FAM107B: variants seen among roughly 807,000 people sequenced by gnomAD.
FAM107B encodes protein FAM107B.
FAM107B carries 21 observed loss-of-function variants against 31.5 expected under a neutral mutation model. The observed-to-expected ratio is 0.67, with a 90% CI of 0.47 to 0.96. FAM107B has a LOEUF of 0.96. Ranked by LOEUF, FAM107B falls within the 40% of genes least tolerant of loss-of-function variation. The pLI is 0.00. For synonymous variants in FAM107B, 157 were observed against 141.5 expected (o/e 1.11, Z -0.78); for missense variants, 452 against 377.1 (o/e 1.20, Z -1.64).
chr10:14,522,425 T>TC (rs1175872008), intron 3 of FAM107B, among the ~76,000 whole-genome samples: 29 of 151,464 alleles, frequency 1.9e-4, no homozygotes, highest in Non-Finnish European at 2.8e-4. Context: ...TTTTTTTTTT[T>TC]TTTTCTGAGA....
chr10:14,690,421 A>G (rs1855103965), intron 1 of FAM107B, among the ~76,000 whole-genome samples: 1 of 151,876 alleles, frequency 6.6e-6, no homozygotes, highest in Non-Finnish European at 1.5e-5. Flanking sequence ...TCTACATCTC[A>G]CCCATACTTT....
chr10:14,546,780 C>T (rs906779956), intron 2 of FAM107B, among the ~76,000 whole-genome samples: 2 of 152,100 alleles, frequency 1.3e-5, no homozygotes, highest in Admixed American at 6.5e-5. Context: ...TCAACCCTAC[C>T]GACCTTCAAA....
intron 1 of FAM107B, among the ~76,000 whole-genome samples, chr10:14,706,080 G>A (rs545648653): frequency 1.3e-5 from 2 of 152,192 alleles, no homozygotes; most frequent in African/African-American, 4.8e-5. Flanking sequence ...CTGTTGAACA[G>A]AGGATTGGCC....
intron 2 of FAM107B, among the ~76,000 whole-genome samples, chr10:14,646,663 C>A (rs1236177177): frequency 6.6e-6 from 1 of 152,000 alleles, no homozygotes; most frequent in Admixed American, 6.6e-5. Context: ...ATAATGACTT[C>A]TTTTCCTTTG....
At chr10:14,756,673 A>G (rs201991108) in intron 1 of FAM107B, among the ~76,000 whole-genome samples, 1 of 152,260 alleles carries the variant, frequency 6.6e-6, no homozygotes, top group Non-Finnish European at 1.5e-5. Flanking sequence ...GTATACACCC[A>G]AAGGAATACA....
At chr10:14,610,157 C>A (rs1158074516) in intron 2 of FAM107B, among the ~76,000 whole-genome samples, 1 of 152,140 alleles carries the variant, frequency 6.6e-6, no homozygotes, top group Middle Eastern at 3.2e-3. Context: ...TCCTGGCTAA[C>A]ACGGTGAAAC....
At chr10:14,563,170 G>C (rs944486205) in intron 2 of FAM107B, among the ~76,000 whole-genome samples, 1 of 152,142 alleles carries the variant, frequency 6.6e-6, no homozygotes, top group Non-Finnish European at 1.5e-5. Context: ...GGAAATACTG[G>C]GGTTTTACAC....
intron 2 of FAM107B, among the ~76,000 whole-genome samples, chr10:14,609,845 G>A (rs1354669553): frequency 6.6e-6 from 1 of 152,168 alleles, no homozygotes; most frequent in African/African-American, 2.4e-5. Flanking sequence ...TATAAACATA[G>A]AATGTGAGGG....
chr10:14,671,889 AAAAC>A (rs1854562676), intron 1 of FAM107B, among the ~76,000 whole-genome samples: 1 of 148,404 alleles, frequency 6.7e-6, no homozygotes, highest in Non-Finnish European at 1.5e-5. Context: ...AAAAAACAAA[AAAAC>A]AAAAAAAAAA....
chr10:14,604,128 C>T, intron 2 of FAM107B: 2 of 636,710 alleles, frequency 3.1e-6, no homozygotes, highest in Non-Finnish European at 3.9e-6. Context: ...CCCACCCGCC[C>T]GGCCGCCCGC....
intron 1 of FAM107B, among the ~76,000 whole-genome samples, chr10:14,696,971 A>C (rs1855280693): frequency 6.6e-6 from 1 of 152,128 alleles, no homozygotes; most frequent in Non-Finnish European, 1.5e-5. Flanking sequence ...CTGTGTCCCC[A>C]ACCCCCACTA....
chr10:14,632,832 A>T (rs890057854), intron 2 of FAM107B, among the ~76,000 whole-genome samples: 5 of 152,052 alleles, frequency 3.3e-5, no homozygotes, highest in African/African-American at 1.2e-4. Flanking sequence ...ACAGGGCAAG[A>T]AATGCCAGCT....
rs534784583 is a variant in FAM107B, at chr10:14,558,235, GCA to G, written c.470-27722_470-27721del. On this transcript the variant is annotated intron_variant, in intron 2 of 4. Transcript: ENST00000181796. ...CTCACATTCACACACATGTGCATGC[GCA>G]CACTCACATACGTGCACGCGCACAG... Among the ~76,000 whole-genome samples, 47 of 151,988 alleles carry G rather than the reference GCA, an allele frequency of 3.1e-4. 1 individual carries two copies. The highest frequency in any genetic ancestry group is 8.7e-4 in the African/African-American group (36 of 41,536).
At chr10:14,546,872 C>T (rs747482712) in intron 2 of FAM107B, among the ~76,000 whole-genome samples, 1 of 152,164 alleles carries the variant, frequency 6.6e-6, no homozygotes, top group Admixed American at 6.5e-5. Flanking sequence ...CACAGATGGG[C>T]CCACATTACT....
At chr10:14,597,258 G>C (rs551932624) in intron 2 of FAM107B, among the ~76,000 whole-genome samples, 2 of 152,266 alleles carry the variant, frequency 1.3e-5, no homozygotes, top group Admixed American at 1.3e-4. Flanking sequence ...AACCACCTGT[G>C]ATTATTTATA....
In FAM107B at chr10:14,690,223, G is replaced by C. The variant is rs144796073; in HGVS notation, c.412-22532C>G. Among the ~76,000 whole-genome samples, 22 of 152,306 alleles carry C rather than the reference G, an allele frequency of 1.4e-4. No individual in the cohort carries two copies. In the East Asian group the frequency reaches 4.1e-3, roughly 28 times the overall value. ...ACTAGCAGATCTAAGTGACGGAGGA[G>C]AGTGAGGTCAAGACACTTACTCCAC... On this transcript the variant is annotated intron_variant, in intron 1 of 4. Transcript: ENST00000181796.
chr10:14,548,021 G>A (rs1286615954), intron 2 of FAM107B, among the ~76,000 whole-genome samples: 1 of 152,194 alleles, frequency 6.6e-6, no homozygotes, highest in Non-Finnish European at 1.5e-5. Flanking sequence ...ACCACCTGGT[G>A]GGCTTTCTGT....
intron 1 of FAM107B, among the ~76,000 whole-genome samples, chr10:14,688,398 A>G (rs201621842): frequency 1.3e-5 from 2 of 152,144 alleles, no homozygotes; most frequent in East Asian, 1.9e-4. Context: ...TCATGTATAC[A>G]TCTGTCCTAT....
At chr10:14,576,550 C>CAACAACAACAAA (rs1443048949) in intron 2 of FAM107B, among the ~76,000 whole-genome samples, 5 of 151,828 alleles carry the variant, frequency 3.3e-5, no homozygotes, top group Non-Finnish European at 2.9e-5. Context: ...ACAACAACAA[C>CAACAACAACAAA]AAAAAGCCAC....
Sources: allele counts gnomAD v4.1 joint callset (sites outside exome capture counted in the v4.1 genomes callset), GRCh38; gene constraint gnomAD v4.1.1; transcripts MANE v1.5; gene names NCBI Gene and HGNC (gene_info 2026-07-23, HGNC 2026-07-21).